The following IFIH1 variants were observed in gnomAD, a reference collection of about 807,000 sequenced individuals.
IFIH1 encodes interferon induced with helicase C domain 1, also known as interferon-induced helicase C domain-containing protein 1.
IFIH1 carries 125 observed loss-of-function variants against 107.4 expected under a neutral mutation model. The observed-to-expected ratio is 1.16, with a 90% confidence interval of 1.01 to 1.35. IFIH1 has a LOEUF of 1.35. IFIH1 is among the 40% of genes most tolerant of loss of function. The pLI, the probability that IFIH1 is intolerant of heterozygous loss-of-function variation, is 0.00. For missense variants in IFIH1, 1,333 were observed against 1,213.7 expected, an observed-to-expected ratio of 1.10 and a Z score of -1.46; for synonymous variants, 458 against 413.2, an observed-to-expected ratio of 1.11 and a Z score of -1.31.
chr2:162,307,766 C>A (rs1203023403), intron 2 of IFIH1, among the ~76,000 whole-genome samples: 1 of 152,070 alleles, frequency 6.6e-6, no homozygotes, highest in Non-Finnish European at 1.5e-5. Context: ...TGACTTTGGA[C>A]AAGAAGAAAA....
rs1293482499 is a variant in IFIH1 at position 162,276,843 on chromosome 2, C to T, written c.2148G>A (p.Glu716=). ...TAAAGATTATTCCTCGTGCTGATTC[C>T]TCAGTCCTAGTATATTGCTCCATTA... is the stretch of plus-strand genomic sequence containing the variant. ...NTIMEQYTRT[E]ESARGIIFTK... Residue 716 remains glutamate, a synonymous_variant, in exon 11 of 16, where the codon GAG becomes GAA. Coordinates refer to ENST00000649979, the MANE Select transcript of IFIH1 (RefSeq NM_022168.4). 1.9e-6 allele frequency: 3 copies of T among 1,613,836 alleles called. No homozygotes were observed. The South Asian group carries it at 3.3e-5, about 18-fold the overall frequency.
Position 162,317,847 on chromosome 2 carries a change from A to T in IFIH1, c.453+8T>A, listed in dbSNP as rs748372514. Reference sequence around the variant, plus strand: ...TAAAAGGCTAGCTCCATCTGAACAGACACCTACCCGGTTTCTGTCTTCAAT... The same window carrying T: ...TAAAAGGCTAGCTCCATCTGAACAGTCACCTACCCGGTTTCTGTCTTCAAT... On this transcript the variant is annotated splice_region_variant and intron_variant, in intron 1 of 15. Coordinates refer to ENST00000649979, the MANE Select transcript of IFIH1 (RefSeq NM_022168.4). The T allele has an allele frequency of 4.0e-5, 62 of 1,558,052 alleles. No individual in the cohort carries two copies. The highest frequency in any genetic ancestry group is 5.4e-5 in the Non-Finnish European group (62 of 1,154,276).
At chr2:162,303,760 A>T (rs890676543) in intron 3 of IFIH1, among the ~76,000 whole-genome samples, 1 of 152,180 alleles carries the variant, frequency 6.6e-6, no homozygotes, top group East Asian at 1.9e-4. Flanking sequence ...GTAAAAATTT[A>T]AAAAAATTTA....
In IFIH1 at chr2:162,300,784, A is replaced by C. The variant is rs1179958418; in HGVS notation, c.769+5925T>G. Among the ~76,000 whole-genome samples the C allele has an allele frequency of 2.6e-5, 4 of 152,196 alleles. No homozygotes were observed. In the South Asian group the frequency reaches 8.3e-4, roughly 32 times the overall value. On this transcript the variant is annotated intron_variant, in intron 3 of 15. Coordinates refer to ENST00000649979, the MANE Select transcript of IFIH1 (RefSeq NM_022168.4). ...CTTATTGTAAACTACTGTATCAATTATTTTTTTCCACTTAGGTTTCAAATG... is the reference window on the plus strand; with the variant it reads ...CTTATTGTAAACTACTGTATCAATTCTTTTTTTCCACTTAGGTTTCAAATG...
intron 4 of IFIH1, among the ~76,000 whole-genome samples, chr2:162,292,287 A>G (rs1469461457): frequency 2.0e-5 from 3 of 151,918 alleles, no homozygotes; most frequent in Non-Finnish European, 2.9e-5. Flanking sequence ...TTTTATGACA[A>G]GGATAGAAAA....
chr2:162,284,400 G>A (rs898926557), intron 5 of IFIH1, among the ~76,000 whole-genome samples: 3 of 151,894 alleles, frequency 2.0e-5, no homozygotes. Context: ...TCAATTTCCA[G>A]ATTAATAAAA....
At chr2:162,272,673 C>T (rs925557794) in intron 12 of IFIH1, among the ~76,000 whole-genome samples, 1 of 152,238 alleles carries the variant, frequency 6.6e-6, no homozygotes, top group South Asian at 2.1e-4. Context: ...GCTCTCAGAA[C>T]TTCTCTCTCA....
intron 12 of IFIH1, 121 bp downstream of exon 12, chr2:162,273,667 TTTAACAG>T: frequency 4.2e-6 from 3 of 715,892 alleles, no homozygotes; most frequent in East Asian, 2.8e-5. Context: ...AAAATGCTCT[TTTAACAG>T]GAAAAAGGCT....
At chr2:162,281,270 A>C in intron 7 of IFIH1, 58 bp downstream of exon 7, 5 of 1,318,506 alleles carry the variant, frequency 3.8e-6, no homozygotes, top group Non-Finnish European at 5.4e-6. Flanking sequence ...AAGACCAAGA[A>C]GTCCTGGCAT....
intron 4 of IFIH1, among the ~76,000 whole-genome samples, chr2:162,289,565 A>T (rs1471427559): frequency 6.6e-6 from 1 of 151,934 alleles, no homozygotes; most frequent in Non-Finnish European, 1.5e-5. Context: ...ATAAAACTAA[A>T]CTAACATAAT....
intron 5 of IFIH1, among the ~76,000 whole-genome samples, chr2:162,282,931 G>T (rs1682836159): frequency 6.7e-6 from 1 of 148,996 alleles, no homozygotes. Context: ...ACAGTTAAGA[G>T]AAGAAGCAAC....
intron 13 of IFIH1, among the ~76,000 whole-genome samples, chr2:162,269,807 A>G (rs34298676): frequency 0.045 from 6,816 of 152,330 alleles, 204 homozygotes; most frequent in Admixed American, 0.064. Context: ...TATATAGCAT[A>G]GAAAAGAGAA....
rs1682933667 is a variant in IFIH1, at chr2:162,288,356, C to G, written c.875-1G>C. The G allele has an allele frequency of 2.5e-6, 4 of 1,609,260 alleles. No homozygotes were observed. Among genetic ancestry groups the G allele is most frequent in the Non-Finnish European group, 3.4e-6 (4 of 1,176,362 alleles). ...GCTCTTGCTGCCACATTCTCTTCAT[C>G]TGAAGAAGGTTGAAAAGAAAAATAA... On this transcript the variant is annotated splice_acceptor_variant, in intron 4 of 15. Coordinates refer to ENST00000649979, the MANE Select transcript of IFIH1 (RefSeq NM_022168.4). LOFTEE classifies it high-confidence loss of function.
chr2:162,300,454 G>A (rs1189765068), intron 3 of IFIH1, among the ~76,000 whole-genome samples: 1 of 152,100 alleles, frequency 6.6e-6, no homozygotes, highest in Non-Finnish European at 1.5e-5. Context: ...CATTCCTGAG[G>A]TATGAATGGT....
In IFIH1 at chr2:162,318,145, TC is replaced by T. The variant is rs1394699072; in HGVS notation, c.162del (p.Asn55ThrfsTer9). The T allele has an allele frequency of 3.1e-6, 5 of 1,614,182 alleles. No individual in the cohort carries two copies. Among genetic ancestry groups the T allele is most frequent in the Non-Finnish European group, 4.2e-6 (5 of 1,180,030 alleles). On this transcript the variant is annotated frameshift_variant, in exon 1 of 16. Transcript: ENST00000649979. LOFTEE classifies it high-confidence loss of function. ...EQIQRTVATSGNMQAVELLLS... is the reference protein window; with the variant it reads ...EQIQRTVATSXNMQAVELLLS... ...AGCAGCAGTTCAACTGCCTGCATGTTCCCGGAGGTGGCGACTGTCCTCTGAA... is the reference window on the plus strand; with the variant it reads ...AGCAGCAGTTCAACTGCCTGCATGTTCCGGAGGTGGCGACTGTCCTCTGAA...
At chr2:162,301,944 G>A (rs1215052757) in intron 3 of IFIH1, among the ~76,000 whole-genome samples, 1 of 151,920 alleles carries the variant, frequency 6.6e-6, no homozygotes, top group Non-Finnish European at 1.5e-5. Context: ...TTTGGAAAAG[G>A]GCAAATAAAA....
intron 2 of IFIH1, among the ~76,000 whole-genome samples, chr2:162,307,506 T>G (rs1337140406): frequency 6.6e-6 from 1 of 152,234 alleles, no homozygotes; most frequent in East Asian, 1.9e-4. Flanking sequence ...TGCCCCTCTT[T>G]TCTTCTTTCC....
At chr2:162,314,849 A>G (rs1447335069) in intron 1 of IFIH1, among the ~76,000 whole-genome samples, 1 of 152,112 alleles carries the variant, frequency 6.6e-6, no homozygotes, top group East Asian at 1.9e-4. Context: ...CGAAAGGACA[A>G]AACAGTCTCT....
rs1683555394 is a variant in IFIH1, at chr2:162,318,314, TTC to T, written c.-9_-8del. 6 of 1,607,494 alleles carry T rather than the reference TTC, an allele frequency of 3.7e-6. No homozygotes were observed. In the East Asian group the frequency reaches 1.3e-4, roughly 36 times the overall value. On this transcript the variant is annotated 5_prime_UTR_variant, in exon 1 of 16. Coordinates refer to ENST00000649979, the MANE Select transcript of IFIH1 (RefSeq NM_022168.4). Reference sequence around the variant, plus strand: ...TGGAATACCCATTCGACATCTTTCTTTCTCAGAGAAGGGAGAGGGTTCTCCCA... The same window carrying T: ...TGGAATACCCATTCGACATCTTTCTTTCAGAGAAGGGAGAGGGTTCTCCCA...
Sources: allele counts gnomAD v4.1 joint callset (sites outside exome capture counted in the v4.1 genomes callset), GRCh38; gene constraint gnomAD v4.1.1; transcripts MANE v1.5; gene names NCBI Gene and HGNC (gene_info 2026-07-23, HGNC 2026-07-21).